The following CTNND2 variants were observed in gnomAD, a reference collection of about 807,000 sequenced individuals.
CTNND2 encodes catenin delta 2.
In CTNND2, 22 loss-of-function variants were observed where a neutral mutation model predicts 144.4. The ratio of observed to expected loss-of-function variants is 0.15; its 90% confidence interval spans 0.11 to 0.22. The LOEUF (loss-of-function observed/expected upper bound fraction) is 0.22, where lower values mean the gene tolerates loss of function less well. CTNND2 is among the 10% of genes least tolerant of loss of function. The pLI is 1.00. For missense variants in CTNND2, 1,353 were observed against 1,618.8 expected (o/e 0.84, Z 2.82); for synonymous variants, 751 against 695.6 (o/e 1.08, Z -1.25).
intron 9 of CTNND2, among the ~76,000 whole-genome samples, chr5:11,308,724 C>T (rs776288211): frequency 3.9e-5 from 6 of 152,230 alleles, no homozygotes; most frequent in Non-Finnish European, 5.9e-5. Context: ...ATCCAGACAA[C>T]ATTTTTAATG....
intron 2 of CTNND2, among the ~76,000 whole-genome samples, chr5:11,648,118 G>A (rs1033266034): frequency 1.1e-4 from 17 of 149,712 alleles, no homozygotes. Context: ...ATAATTTTCT[G>A]TCTCTCTGTC....
chr5:11,396,123 A>G (rs769394801), intron 6 of CTNND2, among the ~76,000 whole-genome samples: 2 of 152,200 alleles, frequency 1.3e-5, no homozygotes, highest in Admixed American at 6.5e-5. Context: ...TAAATGCAAA[A>G]GGGCTGAAAC....
At chr5:11,197,365 G>A (rs889249883) in intron 11 of CTNND2, among the ~76,000 whole-genome samples, 2 of 152,176 alleles carry the variant, frequency 1.3e-5, no homozygotes, top group Admixed American at 6.5e-5. Context: ...TGGCTATCAC[G>A]GCAAAAGACA....
intron 1 of CTNND2, among the ~76,000 whole-genome samples, chr5:11,877,181 T>C (rs944423405): frequency 6.6e-6 from 1 of 152,170 alleles, no homozygotes; most frequent in African/African-American, 2.4e-5. Flanking sequence ...AAGTCTGATA[T>C]TGAAATGTAT....
At chr5:11,249,637 T>C (rs1216762870) in intron 9 of CTNND2, among the ~76,000 whole-genome samples, 1 of 152,194 alleles carries the variant, frequency 6.6e-6, no homozygotes. Context: ...CTATTCATAT[T>C]TACCATTCGT....
chr5:11,571,961 T>A (rs1201417996), intron 2 of CTNND2, among the ~76,000 whole-genome samples: 1 of 152,210 alleles, frequency 6.6e-6, no homozygotes, highest in Non-Finnish European at 1.5e-5. Context: ...TCAAACTTGA[T>A]GAAATATGGT....
chr5:11,569,451 A>T (rs1445851361), intron 2 of CTNND2, among the ~76,000 whole-genome samples: 1 of 151,866 alleles, frequency 6.6e-6, no homozygotes, highest in Non-Finnish European at 1.5e-5. Context: ...AAAAATTATC[A>T]AACATTTTAT....
chr5:11,600,717 A>AG (rs982451976), intron 2 of CTNND2, among the ~76,000 whole-genome samples: 7 of 151,330 alleles, frequency 4.6e-5, no homozygotes, highest in Non-Finnish European at 7.4e-5. Flanking sequence ...AAAAAAAAAA[A>AG]AAAAAAAAAA....
At chr5:11,212,773 C>T (rs1303265795) in intron 10 of CTNND2, among the ~76,000 whole-genome samples, 3 of 152,276 alleles carry the variant, frequency 2.0e-5, no homozygotes, top group South Asian at 2.1e-4. Flanking sequence ...GAGCTGGTCT[C>T]GGTAAGGGCC....
chr5:11,464,444 C>G (rs1174807404), intron 3 of CTNND2, among the ~76,000 whole-genome samples: 2 of 152,092 alleles, frequency 1.3e-5, no homozygotes, highest in Non-Finnish European at 2.9e-5. Context: ...GTTAGAGCAC[C>G]TGCAGCCCTG....
chr5:11,331,500 G>A (rs1452964341), intron 9 of CTNND2, among the ~76,000 whole-genome samples: 5 of 152,000 alleles, frequency 3.3e-5, no homozygotes, highest in East Asian at 3.9e-4. Flanking sequence ...TTGGCAGGTC[G>A]CTTTCATTTA....
intron 2 of CTNND2, among the ~76,000 whole-genome samples, chr5:11,687,730 T>C (rs895716112): frequency 2.0e-5 from 3 of 152,184 alleles, no homozygotes; most frequent in Non-Finnish European, 4.4e-5. Flanking sequence ...ATGGAGCACG[T>C]GTTCTAGTGG....
intron 9 of CTNND2, among the ~76,000 whole-genome samples, chr5:11,249,199 T>G (rs774432372): frequency 6.6e-6 from 1 of 152,148 alleles, no homozygotes; most frequent in African/African-American, 2.4e-5. Flanking sequence ...ATAGGCCATG[T>G]GGTGTGGCAT....
chr5:11,281,169 A>C (rs1747073613), intron 9 of CTNND2, among the ~76,000 whole-genome samples: 1 of 152,208 alleles, frequency 6.6e-6, no homozygotes, highest in Non-Finnish European at 1.5e-5. Context: ...CTCCTTGGGT[A>C]AATGGTTTCT....
At chr5:11,742,221 T>G (rs1382610169) in intron 1 of CTNND2, among the ~76,000 whole-genome samples, 1 of 152,166 alleles carries the variant, frequency 6.6e-6, no homozygotes, top group Non-Finnish European at 1.5e-5. Context: ...TATTGATGAC[T>G]TCTAAACATT....
At chr5:11,197,693 C>A (rs113829740) in intron 11 of CTNND2, among the ~76,000 whole-genome samples, 2 of 152,136 alleles carry the variant, frequency 1.3e-5, no homozygotes, top group Non-Finnish European at 2.9e-5. Context: ...GAGTAGACTG[C>A]GGTCAGTTCC....
intron 1 of CTNND2, among the ~76,000 whole-genome samples, chr5:11,833,522 A>ATTTTGTTTTT (rs1794018064): frequency 6.6e-6 from 1 of 151,622 alleles, no homozygotes; most frequent in African/African-American, 2.4e-5. Context: ...TGATGAAACT[A>ATTTTGTTTTT]TTTTGTTTTT....
chr5:11,316,448 G>C (rs1056984817), intron 9 of CTNND2, among the ~76,000 whole-genome samples: 1 of 147,660 alleles, frequency 6.8e-6, no homozygotes, highest in Non-Finnish European at 1.5e-5. Flanking sequence ...CCGTGAGGTA[G>C]GTACTCTTAT....
chr5:11,650,415 G>T (rs537644665), intron 2 of CTNND2, among the ~76,000 whole-genome samples: 2 of 152,180 alleles, frequency 1.3e-5, no homozygotes, highest in African/African-American at 4.8e-5. Context: ...ATGCAAGAAT[G>T]GACTAATACA....
Sources: allele counts gnomAD v4.1 joint callset (sites outside exome capture counted in the v4.1 genomes callset), GRCh38; gene constraint gnomAD v4.1.1; transcripts MANE v1.5; gene names NCBI Gene and HGNC (gene_info 2026-07-23, HGNC 2026-07-21).